Variants in HSH2D observed in about 807,000 individuals in gnomAD.
HSH2D encodes the protein hematopoietic SH2 domain containing, also known as hematopoietic SH2 domain-containing protein.
In HSH2D, 16 loss-of-function variants were observed where a neutral mutation model predicts 21.5. The observed-to-expected ratio is 0.74, with a 90% CI of 0.50 to 1.13. The LOEUF is 1.13. Ranked by LOEUF, HSH2D falls within the 50% of genes most tolerant of loss-of-function variation. The pLI is 0.00. For synonymous variants in HSH2D, 172 were observed against 184.7 expected, an observed-to-expected ratio of 0.93 and a Z score of 0.56; for missense variants, 418 against 441.4, an observed-to-expected ratio of 0.95 and a Z score of 0.47.
upstream of HSH2D, among the ~76,000 whole-genome samples, chr19:16,140,782 G>A (rs911507114): frequency 1.3e-5 from 2 of 152,108 alleles, no homozygotes; most frequent in Non-Finnish European, 2.9e-5. Context: ...AGCTACTCAG[G>A]AGGCTGAGAT....
At chr19:16,146,992 ATT>A (rs2091080352) in intron 1 of HSH2D, among the ~76,000 whole-genome samples, 1 of 151,642 alleles carries the variant, frequency 6.6e-6, no homozygotes, top group African/African-American at 2.4e-5. Flanking sequence ...CATCTGGCTA[ATT>A]TTTGTATTTT....
Position 16,148,723 on chromosome 19 carries a change from G to A in HSH2D, c.-27-1G>A, listed in dbSNP as rs780405451. ...TTGTCTTCCCTCCCTTCTCTACCCA[G>A]GTGACCTTCCCTCCACCCCAGGAAG... On this transcript the variant is annotated splice_acceptor_variant, in intron 1 of 5. Transcript: ENST00000613986. LOFTEE classifies it low-confidence loss of function (5UTR_SPLICE). The A allele has an allele frequency of 9.3e-6, 15 of 1,613,634 alleles. No individual in the cohort carries two copies. Among genetic ancestry groups the A allele is most frequent in the Non-Finnish European group, 1.1e-5 (13 of 1,179,788 alleles).
chr19:16,135,939 G>A (rs962115829), intron 1 of HSH2D, among the ~76,000 whole-genome samples: 2 of 152,132 alleles, frequency 1.3e-5, no homozygotes, highest in African/African-American at 4.8e-5. Flanking sequence ...CACAAGGGAG[G>A]AGACATCCTC....
At position 16,153,175 on chromosome 19, in the gene HSH2D, G is replaced by A. The variant is rs1336980033; in HGVS notation, c.348G>A (p.Pro116=). Residue 116 remains proline, a synonymous_variant, in exon 4 of 6, where the codon CCG becomes CCA. Transcript: ENST00000613986. ...TCCACCAGCAGAAGCCAATTGAGCC[G>A]CGCAGGGAGCTGCTGACACAGCCCT... ...VTFHQQKPIE[P]RRELLTQPCR... The A allele has an allele frequency of 3.2e-6, 5 of 1,563,260 alleles. No homozygotes were observed. Among genetic ancestry groups the A allele is most frequent in the East Asian group, 2.4e-5 (1 of 42,256 alleles).
chr19:16,143,242 AC>A (rs2091018459), upstream of HSH2D, among the ~76,000 whole-genome samples: 2 of 151,490 alleles, frequency 1.3e-5, no homozygotes, highest in Non-Finnish European at 2.9e-5. Flanking sequence ...GCGCCGCCAC[AC>A]CCGGCTGATT....
At chr19:16,143,623 C>T (rs964170999), upstream of HSH2D, 8 of 357,010 alleles carry the variant, frequency 2.2e-5, no homozygotes, top group African/African-American at 1.1e-4. Flanking sequence ...GTCCTTGTTC[C>T]GCCCCCAGGG....
intron 1 of HSH2D, chr19:16,134,343 T>A (rs142127567): frequency 6.6e-6 from 1 of 152,264 alleles, no homozygotes; most frequent in East Asian, 1.9e-4. Flanking sequence ...GATTCCAGAC[T>A]CCTACAAAGA....
At chr19:16,142,481 G>C (rs187680941), upstream of HSH2D, among the ~76,000 whole-genome samples, 88 of 152,162 alleles carry the variant, frequency 5.8e-4, 1 homozygote, top group South Asian at 0.01. Context: ...TGTTTTGTTT[G>C]AGACGGAGTT....
At position 16,157,080 on chromosome 19, in the gene HSH2D, G is replaced by T. The variant is rs147090383; in HGVS notation, c.475-130G>T. ...CGAGAAAGATGGGGCATGGGATCAG[G>T]TTTGGGGGTTCACACGGGGACGTTT... is the stretch of plus-strand genomic sequence containing the variant. On this transcript the variant is annotated intron_variant, in intron 5 of 5. Transcript: ENST00000613986. This position sits in a 1 kb window ranked among gnomAD's most constrained non-coding sequence, Gnocchi z 4.4. 5 of 680,014 alleles carry T rather than the reference G, an allele frequency of 7.4e-6. No individual in the cohort carries two copies. The highest frequency in any genetic ancestry group is 4.3e-5 in the South Asian group (2 of 46,794). The allele number at this position is 680,014 out of a possible 1,614,324, so 42.1% of individuals were successfully genotyped here.
chr19:16,145,443 C>A (rs1389603322), intron 1 of HSH2D, among the ~76,000 whole-genome samples: 1 of 152,050 alleles, frequency 6.6e-6, no homozygotes, highest in African/African-American at 2.4e-5. Flanking sequence ...AAACTCCCAG[C>A]CTCAGGCAAT....
chr19:16,146,564 A>T (rs1293121798), intron 1 of HSH2D, among the ~76,000 whole-genome samples: 2 of 151,974 alleles, frequency 1.3e-5, no homozygotes, highest in African/African-American at 2.4e-5. Context: ...TGTAGTCCCA[A>T]CTACTCAGGA....
chr19:16,143,127 C>T (rs568957365), upstream of HSH2D, among the ~76,000 whole-genome samples: 2 of 152,040 alleles, frequency 1.3e-5, no homozygotes, highest in East Asian at 3.9e-4. Context: ...CTCCGTTGCC[C>T]AGGCTGGAGT....
chr19:16,152,966 T>C, intron 3 of HSH2D, 77 bp from the exon 4 acceptor site: 1 of 1,529,834 alleles, frequency 6.5e-7, no homozygotes, highest in Non-Finnish European at 8.9e-7. Flanking sequence ...GCAGTGACGC[T>C]GCCGGCCCAA....
intron 4 of HSH2D, among the ~76,000 whole-genome samples, 183 bp from the exon 5 acceptor site, chr19:16,154,214 GGT>G (rs2091207550): frequency 6.6e-6 from 1 of 152,092 alleles, no homozygotes; most frequent in East Asian, 1.9e-4. Flanking sequence ...AGGCTCAGTG[GGT>G]GTGTCCCAAT....
At chr19:16,142,485 C>T (rs929365311), upstream of HSH2D, among the ~76,000 whole-genome samples, 17 of 152,026 alleles carry the variant, frequency 1.1e-4, no homozygotes, top group South Asian at 6.2e-4. Flanking sequence ...TTGTTTGAGA[C>T]GGAGTTACAC....
rs919197020 is a variant in HSH2D, at chr19:16,154,619, T to C, written c.474+128T>C. 29 of 565,438 alleles carry C rather than the reference T, an allele frequency of 5.1e-5. No individual in the cohort carries two copies. In the African/African-American group the frequency reaches 5.1e-4, roughly 10 times the overall value. 35.0% of individuals were successfully genotyped at this position (565,438 alleles called of 1,614,324 possible). Reference sequence around the variant, plus strand: ...ATCCTACAGCTTGGTGCTTTAAACCTTTCCAGTGCTTTTGCAACACCGAGA... The same window carrying C: ...ATCCTACAGCTTGGTGCTTTAAACCCTTCCAGTGCTTTTGCAACACCGAGA... On this transcript the variant is annotated intron_variant, in intron 5 of 5. Transcript: ENST00000613986.
chr19:16,157,753 G>A lies in HSH2D; in HGVS notation c.1018G>A (p.Glu340Lys). ...AEPENDQLPE[E>K]YQQPPPFAPG... ...GCCTGAGAACGACCAGCTCCCGGAG[G>A]AGTACCAACAACCGCCACCCTTTGC... is the stretch of plus-strand genomic sequence containing the variant. The change falls in exon 6 of 6, where the codon GAG becomes AAG. Residue 340 changes from glutamate to lysine, a missense_variant. Coordinates refer to ENST00000613986, the MANE Select transcript of HSH2D (RefSeq NM_001382417.1). This position sits in a 1 kb window ranked among gnomAD's most constrained non-coding sequence, Gnocchi z 4.4. The A allele has an allele frequency of 6.2e-7, 1 of 1,611,332 alleles. No individual in the cohort carries two copies. The highest frequency in any genetic ancestry group is 8.5e-7 in the Non-Finnish European group (1 of 1,179,502).
rs1599430379 is a variant in HSH2D at position 16,157,074 on chromosome 19, G to A, written c.475-136G>A. 1 of 604,124 alleles carries A rather than the reference G, an allele frequency of 1.7e-6. No homozygotes were observed. Among genetic ancestry groups the A allele is most frequent in the Non-Finnish European group, 2.7e-6 (1 of 365,384 alleles). 37.4% of individuals were successfully genotyped at this position (604,124 alleles called of 1,614,324 possible). A position where few individuals can be genotyped will look rare whatever the true frequency, so the allele number is the denominator to read the frequency against. On this transcript the variant is annotated intron_variant, in intron 5 of 5. Coordinates refer to ENST00000613986, the MANE Select transcript of HSH2D (RefSeq NM_001382417.1). This position sits in a 1 kb window ranked among gnomAD's most constrained non-coding sequence, Gnocchi z 4.4. Reference sequence around the variant, plus strand: ...CTGAGACGAGAAAGATGGGGCATGGGATCAGGTTTGGGGGTTCACACGGGG... The same window carrying A: ...CTGAGACGAGAAAGATGGGGCATGGAATCAGGTTTGGGGGTTCACACGGGG...
At chr19:16,135,071 T>C (rs2090952557) in intron 1 of HSH2D, among the ~76,000 whole-genome samples, 1 of 145,462 alleles carries the variant, frequency 6.9e-6, no homozygotes, top group South Asian at 2.2e-4. Flanking sequence ...GAGTTCAGAG[T>C]TCAAGACCAG....
Sources: gnomAD v4.1 joint callset for allele counts (sites outside exome capture counted in the v4.1 genomes callset) on GRCh38, gnomAD v4.1.1 for gene constraint, Gnocchi (gnomAD v3.1) non-coding constraint, MANE v1.5 for transcripts, NCBI Gene and HGNC (gene_info 2026-07-23, HGNC 2026-07-21) for gene names.